The following SMG9 variants were observed in gnomAD, a reference collection of about 807,000 sequenced individuals.
SMG9 encodes the protein SMG9 nonsense mediated mRNA decay factor.
A neutral mutation model predicts 64.0 loss-of-function variants in SMG9; 55 were observed. The ratio of observed to expected loss-of-function variants is 0.86; its 90% confidence interval spans 0.69 to 1.08. SMG9 has a LOEUF of 1.08. SMG9 is among the 50% of genes least tolerant of loss of function. The pLI is 0.00. For missense variants in SMG9, 554 were observed against 681.3 expected (o/e 0.81, Z 2.08); for synonymous variants, 244 against 254.8 (o/e 0.96, Z 0.41).
At chr19:43,750,192 A>C (rs759344103) in intron 2 of SMG9, 20 of 521,710 alleles carry the variant, frequency 3.8e-5, no homozygotes, top group South Asian at 8.4e-5. Flanking sequence ...ATTTGGCCCC[A>C]GTTACTTGAC....
chr19:43,748,718 T>C (rs569941159), intron 2 of SMG9: 2 of 520,162 alleles, frequency 3.8e-6, no homozygotes, highest in African/African-American at 3.8e-5. Context: ...TGAGTCTGAG[T>C]CCCGTTCTTT....
intron 6 of SMG9, 93 bp from the exon 7 acceptor site, chr19:43,740,311 C>T (rs1050562622): frequency 2.4e-5 from 20 of 818,652 alleles, no homozygotes; most frequent in Middle Eastern, 2.8e-4. Flanking sequence ...GCATGTGAGC[C>T]GTGGTGCCCT....
In SMG9 at chr19:43,738,320, G is replaced by A. The variant is rs1313060174; in HGVS notation, c.814-103C>T. 1.1e-5 allele frequency: 11 copies of A among 1,014,574 alleles called. No homozygotes were observed. The Admixed American group carries it at 2.2e-4, about 20-fold the overall frequency. The allele number at this position is 1,014,574 out of a possible 1,614,324, so 62.8% of individuals were successfully genotyped here. A position where few individuals can be genotyped will look rare whatever the true frequency, so the allele number is the denominator to read the frequency against. On this transcript the variant is annotated intron_variant, in intron 7 of 13. Coordinates refer to ENST00000270066, the MANE Select transcript of SMG9 (RefSeq NM_019108.4). ...AGGACAAAACAAGGTCAGAAACAAA[G>A]GCAGGCAATTTCTAATTAGAACAGC...
intron 9 of SMG9, among the ~76,000 whole-genome samples, chr19:43,735,634 A>AAAAAAAC (rs1968640085): frequency 6.7e-6 from 1 of 149,884 alleles, no homozygotes. Context: ...AAAAAAAAAA[A>AAAAAAAC]AAAAATCTGT....
chr19:43,733,803 C>A, intron 10 of SMG9, 70 bp from the exon 11 acceptor site: 1 of 1,127,888 alleles, frequency 8.9e-7, no homozygotes, highest in Non-Finnish European at 1.3e-6. Flanking sequence ...CTTTCTCACC[C>A]CAAAGACCTG....
intron 2 of SMG9, 76 bp downstream of exon 2, chr19:43,750,516 G>A (rs1969161917): frequency 6.7e-7 from 1 of 1,502,140 alleles, no homozygotes; most frequent in Non-Finnish European, 9.0e-7. Context: ...CCGGCATCTG[G>A]ATTAGTGCCT....
At chr19:43,754,549 G>C (rs985636536) in intron 1 of SMG9, 105 bp downstream of exon 1, 1 of 152,126 alleles carries the variant, frequency 6.6e-6, no homozygotes, top group Non-Finnish European at 1.5e-5. Context: ...CACCCCCGCC[G>C]GACGTCCCAG....
At chr19:43,738,054 T>A (rs1568598494) in intron 8 of SMG9, 68 bp downstream of exon 8, 1 of 1,467,610 alleles carries the variant, frequency 6.8e-7, no homozygotes, top group Admixed American at 1.7e-5. Context: ...CACCCAGCTC[T>A]CCAGATCTTG....
chr19:43,737,914 G>T (rs1191009025), intron 8 of SMG9: 2 of 650,466 alleles, frequency 3.1e-6, no homozygotes, highest in Admixed American at 5.4e-5. Flanking sequence ...AAAGGGGAGG[G>T]GGTGGGAAAT....
At chr19:43,737,925 G>C (rs954509163) in intron 8 of SMG9, 197 bp downstream of exon 8, 1 of 660,006 alleles carries the variant, frequency 1.5e-6, no homozygotes, top group Non-Finnish European at 2.6e-6. Context: ...GGTGGGAAAT[G>C]ACTTGCCTGA....
chr19:43,737,751 C>T lies in SMG9; in HGVS notation c.910-69G>A. 5 of 1,494,390 alleles carry T rather than the reference C, an allele frequency of 3.3e-6. No homozygotes were observed. In the South Asian group the frequency reaches 3.5e-5, roughly 11 times the overall value. The allele number at this position is 1,494,390 out of a possible 1,614,324, so 92.6% of individuals were successfully genotyped here. A position where few individuals can be genotyped will look rare whatever the true frequency, so the allele number is the denominator to read the frequency against. On this transcript the variant is annotated intron_variant, in intron 8 of 13. Transcript: ENST00000270066. ...CCAGACTAATCAGGAGTCCCTGATC[C>T]CAGGACTCAGTTCAGGAGGCAGCAA...
Position 43,749,675 on chromosome 19 carries a change from G to A in SMG9, c.150+917C>T, listed in dbSNP as rs185849942. 5.3e-5 allele frequency among the ~76,000 whole-genome samples: 8 copies of A among 152,322 alleles called. No homozygotes were observed. In the East Asian group the frequency reaches 1.5e-3, roughly 29 times the overall value. On this transcript the variant is annotated intron_variant, in intron 2 of 13. Transcript: ENST00000270066. ...TTCCACCCTACCTGACATCTCTGAG[G>A]TGGACAGGGCCCTAGAGAAAAAAGC...
At chr19:43,741,922 A>C (rs1181859179) in intron 6 of SMG9, among the ~76,000 whole-genome samples, 2 of 152,134 alleles carry the variant, frequency 1.3e-5, no homozygotes, top group Non-Finnish European at 2.9e-5. Flanking sequence ...CCAAGGTGGG[A>C]GGATCACTTG....
In SMG9 at chr19:43,747,753, G is replaced by C. The variant is rs764551143; in HGVS notation, c.370C>G (p.Pro124Ala). 2.5e-6 allele frequency: 4 copies of C among 1,609,968 alleles called. No homozygotes were observed. Among genetic ancestry groups the C allele is most frequent in the Middle Eastern group, 3.3e-4 (2 of 5,990 alleles). ...GGCGCAGGGGCTGCAGGGGGTGGTG[G>C]GGCGGTGCCCTCAGGGGTAGAGGCA... ...TGASTPEGTA[P>A]PPPAAPAPPK... The change falls in exon 4 of 14, where the codon CCA becomes GCA. Residue 124 changes from proline (P) to alanine (A), a missense_variant. By Grantham distance (27) the Pro-to-Ala change is conservative (BLOSUM62 -1). Transcript: ENST00000270066.
intron 2 of SMG9, among the ~76,000 whole-genome samples, chr19:43,749,886 T>C (rs1362775110): frequency 6.6e-6 from 1 of 152,220 alleles, no homozygotes; most frequent in Non-Finnish European, 1.5e-5. Flanking sequence ...TTGACTCTGA[T>C]TTTGGAAAAG....
intron 9 of SMG9, among the ~76,000 whole-genome samples, chr19:43,736,632 C>T (rs749130020): frequency 3.3e-5 from 5 of 152,228 alleles, no homozygotes; most frequent in Non-Finnish European, 5.9e-5. Context: ...GCTCCTCATG[C>T]TCCTTATTCA....
chr19:43,749,771 C>T (rs920454473), intron 2 of SMG9, among the ~76,000 whole-genome samples: 18 of 152,172 alleles, frequency 1.2e-4, no homozygotes, highest in Admixed American at 6.5e-4. Flanking sequence ...GGGCACAAGC[C>T]GATCCCTCCT....
chr19:43,738,749 A>G (rs373541538), intron 7 of SMG9, among the ~76,000 whole-genome samples: 3 of 152,354 alleles, frequency 2.0e-5, no homozygotes, highest in African/African-American at 7.2e-5. Flanking sequence ...AAATTCTTTT[A>G]GAAAGGGGCT....
In SMG9 at chr19:43,732,857, C is replaced by G. The variant is rs776969493; in HGVS notation, c.1484+1G>C. 1 of 1,613,860 alleles carries G rather than the reference C, an allele frequency of 6.2e-7. No individual in the cohort carries two copies. The highest frequency in any genetic ancestry group is 1.1e-5 in the South Asian group (1 of 91,060). On this transcript the variant is annotated splice_donor_variant, in intron 13 of 13. Coordinates refer to ENST00000270066, the MANE Select transcript of SMG9 (RefSeq NM_019108.4). LOFTEE classifies it high-confidence loss of function. ...TGACCCCCTCTGCAAAGAGCTCTTA[C>G]CAGTTCTTCTCGGTGAGGATCGTGT...
Sources: allele counts gnomAD v4.1 joint callset (sites outside exome capture counted in the v4.1 genomes callset), GRCh38; gene constraint gnomAD v4.1.1; transcripts MANE v1.5; gene names NCBI Gene and HGNC (gene_info 2026-07-23, HGNC 2026-07-21).